Variants in MYH10 observed in about 807,000 individuals in gnomAD.
MYH10 encodes myosin heavy chain 10.
In MYH10, 55 loss-of-function variants were observed where a neutral mutation model predicts 257.8. The ratio of observed to expected loss-of-function variants is 0.21; its 90% CI spans 0.17 to 0.27. The LOEUF (loss-of-function observed/expected upper bound fraction) is 0.27. Ranked by LOEUF, MYH10 falls within the 10% of genes least tolerant of loss-of-function variation. The pLI, the probability that MYH10 is intolerant of heterozygous loss-of-function variation, is 1.00. For missense variants in MYH10, 1,631 were observed against 2,500.6 expected, an observed-to-expected ratio of 0.65 and a Z score of 7.42; for synonymous variants, 854 against 921.7, an observed-to-expected ratio of 0.93 and a Z score of 1.33.
In MYH10 at chr17:8,535,587, A is replaced by G. The variant is rs1440735649; in HGVS notation, c.1780-86T>C. 7.6e-7 allele frequency: 1 copy of G among 1,320,544 alleles called. No individual in the cohort carries two copies. The highest frequency in any genetic ancestry group is 1.1e-6 in the Non-Finnish European group (1 of 944,404). The allele number at this position is 1,320,544 out of a possible 1,614,324, so 81.8% of individuals were successfully genotyped here. Reference sequence around the variant, plus strand: ...AAAACACTTTAAGCCTCAACCAGAAACTTTTATACAACAGTCCCCAAAATG... The same window carrying G: ...AAAACACTTTAAGCCTCAACCAGAAGCTTTTATACAACAGTCCCCAAAATG... On this transcript the variant is annotated intron_variant, in intron 15 of 42. Coordinates refer to ENST00000360416, the MANE Select transcript of MYH10 (RefSeq NM_001256012.3). This position sits in a 1 kb window ranked among gnomAD's most constrained non-coding sequence, Gnocchi z 4.3.
chr17:8,512,423 G>C (rs1483791751), intron 24 of MYH10, 28 bp downstream of exon 24: 17 of 1,562,366 alleles, frequency 1.1e-5, no homozygotes, highest in Non-Finnish European at 1.4e-5. Flanking sequence ...TCCAAAATAT[G>C]CTTCTAAGTA....
chr17:8,538,980 TGG>T (rs968764620), intron 14 of MYH10, among the ~76,000 whole-genome samples: 2 of 152,126 alleles, frequency 1.3e-5, no homozygotes, highest in Non-Finnish European at 2.9e-5. Context: ...CATGGATCAA[TGG>T]GTTGTTGAGG....
intron 6 of MYH10, among the ~76,000 whole-genome samples, chr17:8,570,332 G>A (rs1409397142): frequency 2.0e-5 from 3 of 152,166 alleles, no homozygotes; most frequent in Non-Finnish European, 4.4e-5. Context: ...TCAGAGGATG[G>A]TAAAGACGTT....
chr17:8,486,705 C>T (rs1437180212), intron 36 of MYH10, among the ~76,000 whole-genome samples: 1 of 150,314 alleles, frequency 6.7e-6, no homozygotes, highest in Non-Finnish European at 1.5e-5. Flanking sequence ...TGTAGAGTTA[C>T]AAGTCAAACC....
chr17:8,516,958 G>A (rs192723715), intron 21 of MYH10, among the ~76,000 whole-genome samples: 434 of 152,056 alleles, frequency 2.9e-3, no homozygotes, highest in African/African-American at 0.01. Context: ...CTAACACGGC[G>A]AAACCCCATC....
Position 8,576,653 on chromosome 17 carries a change from A to G in MYH10, c.653T>C (p.Val218Ala). The G allele has an allele frequency of 6.4e-7, 1 of 1,550,868 alleles. No homozygotes were observed. The highest frequency in any genetic ancestry group is 8.7e-7 in the Non-Finnish European group (1 of 1,147,008). ...HNIPQESPKP[V>A]KHQGELERQL... ...AAGAAGAGCACTTGCCTGGTGTTTC[A>G]CTGGTTTAGGCGATTCCTGCTGTTC... The change falls in exon 6 of 43, where the codon GTG (valine) becomes GCG (alanine). Residue 218 changes from valine to alanine, a missense_variant. Transcript: ENST00000360416.
chr17:8,550,529 CCCCCGCCCGGCCAGCCG>C (rs2082602833), intron 9 of MYH10, among the ~76,000 whole-genome samples: 1 of 151,032 alleles, frequency 6.6e-6, no homozygotes, highest in Non-Finnish European at 1.5e-5. Context: ...GGGGGACAGC[CCCCCGCCCGGCCAGCCG>C]CCCTGCCCGG....
At chr17:8,590,873 C>CTTTTTTTT (rs398030291) in intron 3 of MYH10, among the ~76,000 whole-genome samples, 17,690 of 89,998 alleles carry the variant, frequency 0.2, 4,292 homozygotes, top group Middle Eastern at 0.32. Flanking sequence ...TCAATGTCGC[C>CTTTTTTTT]TTTTTTTTTT....
intron 16 of MYH10, among the ~76,000 whole-genome samples, chr17:8,531,581 G>A (rs894841680): frequency 1.9e-4 from 28 of 144,948 alleles, no homozygotes; most frequent in African/African-American, 7.1e-4. Context: ...AGTTGAGACA[G>A]GGTCTCGCTG....
At chr17:8,530,110 G>A (rs1210218204) in intron 17 of MYH10, among the ~76,000 whole-genome samples, 1 of 152,044 alleles carries the variant, frequency 6.6e-6, no homozygotes, top group Non-Finnish European at 1.5e-5. Flanking sequence ...CCAAACAAAA[G>A]GTATAATGAT....
intron 16 of MYH10, among the ~76,000 whole-genome samples, chr17:8,531,906 A>T (rs1006963480): frequency 6.6e-6 from 1 of 152,184 alleles, no homozygotes; most frequent in Admixed American, 6.5e-5. Flanking sequence ...CTCTATCCAG[A>T]GTGAGCAGTG....
intron 4 of MYH10, among the ~76,000 whole-genome samples, chr17:8,587,276 T>C (rs550600497): frequency 2.6e-5 from 4 of 152,284 alleles, no homozygotes; most frequent in Admixed American, 2.6e-4. Flanking sequence ...CTGGGAAACC[T>C]GTAGAACCGT....
At chr17:8,601,322 G>C (rs1250532435) in intron 3 of MYH10, among the ~76,000 whole-genome samples, 2 of 152,096 alleles carry the variant, frequency 1.3e-5, no homozygotes, top group Non-Finnish European at 2.9e-5. Context: ...TAGAGGCCTC[G>C]GTGTTCCTAA....
intron 17 of MYH10, among the ~76,000 whole-genome samples, chr17:8,522,452 A>G (rs1166573996): frequency 6.6e-6 from 1 of 152,166 alleles, no homozygotes; most frequent in Non-Finnish European, 1.5e-5. Flanking sequence ...GGCACACTAC[A>G]CTACAACTGC....
chr17:8,514,654 G>C (rs1432628143), intron 21 of MYH10, among the ~76,000 whole-genome samples: 2 of 148,530 alleles, frequency 1.3e-5, no homozygotes, highest in African/African-American at 5.0e-5. Context: ...CAACCCCCAG[G>C]CCCAAATGAA....
rs111821858 is a variant in MYH10 at position 8,477,805 on chromosome 17, G to C, written c.5706+533C>G. 0.011 allele frequency among the ~76,000 whole-genome samples: 1,686 copies of C among 152,302 alleles called. 36 individuals carry two copies. Among genetic ancestry groups the C allele is most frequent in the African/African-American group, 0.037 (1,554 of 41,570 alleles). On this transcript the variant is annotated intron_variant, in intron 41 of 42. Transcript: ENST00000360416. This position sits in a 1 kb window ranked among gnomAD's most constrained non-coding sequence, Gnocchi z 4.2. ...GGCAGGGAGCGGGAGGGAGGGTATA[G>C]CTGCCCACGCTGCAATCAGGGCAGG...
intron 4 of MYH10, among the ~76,000 whole-genome samples, chr17:8,579,908 A>G (rs1479496063): frequency 6.6e-6 from 1 of 152,198 alleles, no homozygotes; most frequent in Non-Finnish European, 1.5e-5. Flanking sequence ...CCCCTAGATG[A>G]TTCAGCCCAC....
intron 3 of MYH10, among the ~76,000 whole-genome samples, chr17:8,603,508 A>G (rs371898067): frequency 6.6e-6 from 1 of 152,204 alleles, no homozygotes; most frequent in East Asian, 1.9e-4. Context: ...AGGGTCAACA[A>G]TCTCAATTGT....
At chr17:8,605,033 A>C in intron 2 of MYH10, 51 bp from the exon 3 acceptor site, 1 of 1,003,738 alleles carries the variant, frequency 1.0e-6, no homozygotes. Flanking sequence ...TGCATTTATC[A>C]ATCAGGGTCC....
Sources: allele counts gnomAD v4.1 joint callset (sites outside exome capture counted in the v4.1 genomes callset), GRCh38; gene constraint gnomAD v4.1.1; non-coding constraint Gnocchi (gnomAD v3.1); transcripts MANE v1.5; gene names NCBI Gene and HGNC (gene_info 2026-07-23, HGNC 2026-07-21).